The following MARCHF1 variants were observed in gnomAD, a reference collection of about 807,000 sequenced individuals.
MARCHF1 encodes the protein E3 ubiquitin-protein ligase MARCHF1.
MARCHF1 carries 40 observed loss-of-function variants against 54.2 expected under a neutral mutation model. The observed-to-expected ratio is 0.74, with a 90% CI of 0.57 to 0.96. The LOEUF (loss-of-function observed/expected upper bound fraction) is 0.96, where lower values mean the gene tolerates loss of function less well. Ranked by LOEUF, MARCHF1 falls within the 40% of genes least tolerant of loss-of-function variation. The probability of loss-of-function intolerance (pLI) is 0.00; values close to 1 mark genes in which losing one functional copy is unlikely to be tolerated. For synonymous variants in MARCHF1, 236 were observed against 236.3 expected (o/e 1.00, Z 0.01); for missense variants, 586 against 656.5 (o/e 0.89, Z 1.17).
At chr4:164,358,778 T>C (rs950161018) in intron 1 of MARCHF1, among the ~76,000 whole-genome samples, 1 of 152,164 alleles carries the variant, frequency 6.6e-6, no homozygotes, top group East Asian at 1.9e-4. Context: ...GAATAGTTCA[T>C]GGAATAGAAA....
At chr4:164,209,213 G>GA (rs1410697152) in intron 1 of MARCHF1, among the ~76,000 whole-genome samples, 1 of 151,952 alleles carries the variant, frequency 6.6e-6, no homozygotes, top group Non-Finnish European at 1.5e-5. Context: ...GCTCAATCAA[G>GA]AAAAAAATAT....
chr4:164,313,593 C>T (rs943138667), intron 1 of MARCHF1, among the ~76,000 whole-genome samples: 8 of 152,142 alleles, frequency 5.3e-5, no homozygotes, highest in African/African-American at 1.9e-4. Context: ...AGGGCTCCAG[C>T]TTCCTCTTTC....
intron 2 of MARCHF1, among the ~76,000 whole-genome samples, chr4:164,079,293 A>G (rs1246987102): frequency 6.6e-6 from 1 of 152,190 alleles, no homozygotes; most frequent in African/African-American, 2.4e-5. Flanking sequence ...TAAGAAACAC[A>G]GGGAAGTAGT....
At chr4:164,076,238 C>A (rs1326749934) in intron 2 of MARCHF1, among the ~76,000 whole-genome samples, 1 of 151,530 alleles carries the variant, frequency 6.6e-6, no homozygotes, top group Non-Finnish European at 1.5e-5. Context: ...GAACAATGAA[C>A]AAAAAATAAA....
chr4:164,374,725 T>C (rs1447437288), intron 1 of MARCHF1, among the ~76,000 whole-genome samples: 1 of 152,172 alleles, frequency 6.6e-6, no homozygotes, highest in East Asian at 1.9e-4. Context: ...TCTGCTATTG[T>C]TAATGGCACA....
At chr4:164,144,227 C>T (rs1188434122) in intron 1 of MARCHF1, among the ~76,000 whole-genome samples, 1 of 151,124 alleles carries the variant, frequency 6.6e-6, no homozygotes, top group Admixed American at 6.6e-5. Context: ...TAATGGGAGA[C>T]TTTAACACCC....
chr4:164,025,616 C>G (rs1402059678), intron 2 of MARCHF1, among the ~76,000 whole-genome samples: 3 of 150,332 alleles, frequency 2.0e-5, no homozygotes, highest in Non-Finnish European at 4.4e-5. Context: ...ATGCTTTCAT[C>G]AATAAGTTAG....
intron 5 of MARCHF1, among the ~76,000 whole-genome samples, chr4:163,652,616 A>T (rs1743007163): frequency 6.6e-6 from 1 of 151,816 alleles, no homozygotes; most frequent in Non-Finnish European, 1.5e-5. Context: ...AACCTTGCTT[A>T]TGTGCTCTAT....
chr4:163,701,286 A>C (rs1744802872), intron 4 of MARCHF1, among the ~76,000 whole-genome samples: 1 of 152,148 alleles, frequency 6.6e-6, no homozygotes, highest in South Asian at 2.1e-4. Context: ...TATGCTATAT[A>C]CATCCACCTC....
At chr4:163,880,400 A>G (rs1358617502) in intron 3 of MARCHF1, among the ~76,000 whole-genome samples, 1 of 151,026 alleles carries the variant, frequency 6.6e-6, no homozygotes, top group Non-Finnish European at 1.5e-5. Context: ...TTGAATATTT[A>G]GAAAAATAAC....
At chr4:163,835,634 C>T (rs755135490) in intron 4 of MARCHF1, among the ~76,000 whole-genome samples, 6 of 152,174 alleles carry the variant, frequency 3.9e-5, no homozygotes, top group Non-Finnish European at 5.9e-5. Flanking sequence ...ACCATGTGGC[C>T]GTGCTGCAAT....
intron 1 of MARCHF1, among the ~76,000 whole-genome samples, chr4:164,238,797 G>C (rs912829426): frequency 3.3e-5 from 5 of 151,792 alleles, no homozygotes; most frequent in African/African-American, 7.2e-5. Flanking sequence ...TTGTTAAATA[G>C]ATTTTCTATG....
intron 2 of MARCHF1, among the ~76,000 whole-genome samples, chr4:164,051,827 G>A (rs764222478): frequency 6.6e-6 from 1 of 152,166 alleles, no homozygotes; most frequent in East Asian, 1.9e-4. Context: ...AGAATAGATA[G>A]AGATTTAACC....
intron 1 of MARCHF1, among the ~76,000 whole-genome samples, chr4:164,341,355 T>C (rs1013015422): frequency 3.3e-5 from 5 of 150,764 alleles, no homozygotes; most frequent in African/African-American, 1.2e-4. Context: ...GAGACAAGAA[T>C]GTCCCCTCTA....
intron 1 of MARCHF1, among the ~76,000 whole-genome samples, chr4:164,297,596 G>A (rs1022336191): frequency 6.6e-6 from 1 of 152,074 alleles, no homozygotes; most frequent in African/African-American, 2.4e-5. Flanking sequence ...ACTAGACATG[G>A]CATAATATTC....
At chr4:163,852,310 G>A (rs1180849365) in intron 4 of MARCHF1, among the ~76,000 whole-genome samples, 1 of 152,118 alleles carries the variant, frequency 6.6e-6, no homozygotes, top group Non-Finnish European at 1.5e-5. Flanking sequence ...TAGGCAGAAA[G>A]CCAGTCCAAA....
At chr4:164,301,050 A>G (rs1211709618) in intron 1 of MARCHF1, among the ~76,000 whole-genome samples, 3 of 151,812 alleles carry the variant, frequency 2.0e-5, no homozygotes, top group Admixed American at 1.3e-4. Flanking sequence ...GAAAGATGCT[A>G]TTTTTTTTAA....
At chr4:163,947,521 A>G (rs979537490) in intron 3 of MARCHF1, among the ~76,000 whole-genome samples, 1 of 152,216 alleles carries the variant, frequency 6.6e-6, no homozygotes, top group African/African-American at 2.4e-5. Flanking sequence ...AGAGTCAGAG[A>G]AGACCAAGTA....
rs916026093 is a variant in MARCHF1, at chr4:163,609,611, G to C, written c.1010+2660C>G. 7.2e-4 allele frequency among the ~76,000 whole-genome samples: 79 copies of C among 110,270 alleles called. No individual in the cohort carries two copies. In the East Asian group the frequency reaches 0.015, roughly 21 times the overall value. The allele number at this position is 110,270 out of a possible 152,430, so 72.3% of individuals were successfully genotyped here. On this transcript the variant is annotated intron_variant, in intron 7 of 9. Transcript: ENST00000514618. Reference sequence around the variant, plus strand: ...TTTTATTTAGAAAAGGTCTTTCTGTGTGTGTGTGTGTGTATATATATATAT... The same window carrying C: ...TTTTATTTAGAAAAGGTCTTTCTGTCTGTGTGTGTGTGTATATATATATAT...
Sources: gnomAD v4.1 joint callset for allele counts (sites outside exome capture counted in the v4.1 genomes callset) on GRCh38, gnomAD v4.1.1 for gene constraint, MANE v1.5 for transcripts, NCBI Gene and HGNC (gene_info 2026-07-23, HGNC 2026-07-21) for gene names.